The following NTNG1 variants were observed in gnomAD, a reference collection of about 807,000 sequenced individuals.
The protein encoded by NTNG1 is netrin G1, also known as netrin-G1.
A neutral mutation model predicts 54.0 loss-of-function variants in NTNG1; 16 were observed. The observed-to-expected ratio is 0.30, with a 90% CI of 0.20 to 0.45. NTNG1 has a LOEUF of 0.45. NTNG1 is among the 20% of genes least tolerant of loss of function. The pLI is 1.00. For synonymous variants in NTNG1, 255 were observed against 263.1 expected (o/e 0.97, Z 0.30); for missense variants, 530 against 678.7 (o/e 0.78, Z 2.43).
chr1:107,429,829 C>A (rs541654521), intron 5 of NTNG1, among the ~76,000 whole-genome samples: 2 of 152,246 alleles, frequency 1.3e-5, no homozygotes, highest in East Asian at 3.9e-4. Context: ...GGATTTACAA[C>A]TTCTTTCTCT....
chr1:107,248,118 T>C (rs1308068683), intron 2 of NTNG1, among the ~76,000 whole-genome samples: 1 of 152,236 alleles, frequency 6.6e-6, no homozygotes, highest in Non-Finnish European at 1.5e-5. Context: ...AATGCCACTG[T>C]GTATACTATT....
At chr1:107,192,544 C>T (rs1160856058) in intron 2 of NTNG1, among the ~76,000 whole-genome samples, 1 of 152,054 alleles carries the variant, frequency 6.6e-6, no homozygotes, top group Non-Finnish European at 1.5e-5. Flanking sequence ...TTAACCCCTA[C>T]TTTCCCCTTT....
intron 2 of NTNG1, among the ~76,000 whole-genome samples, chr1:107,255,646 T>G (rs914623152): frequency 2.6e-5 from 4 of 152,232 alleles, no homozygotes; most frequent in African/African-American, 7.2e-5. Flanking sequence ...GAAATTCTAG[T>G]AATTCAAGTT....
chr1:107,331,917 C>T (rs1424952464), intron 3 of NTNG1, among the ~76,000 whole-genome samples: 1 of 151,542 alleles, frequency 6.6e-6, no homozygotes, highest in Non-Finnish European at 1.5e-5. Flanking sequence ...TTAATTTACT[C>T]TCCTTTTAAA....
rs183195468 is a variant in NTNG1, at chr1:107,360,416, A to G, written c.888-34738A>G. 2.0e-3 allele frequency among the ~76,000 whole-genome samples: 297 copies of G among 152,262 alleles called. 3 individuals carry two copies. The highest frequency in any genetic ancestry group is 5.2e-3 in the South Asian group (25 of 4,822). The stretch of plus-strand genomic sequence containing the variant: ...AAAAAGAGAAACAGTGAGTGTAAAG[A>G]CCCTGAAGAGAAATAGAAAGTACAG... On this transcript the variant is annotated intron_variant, in intron 3 of 7. Coordinates refer to ENST00000370068, the MANE Select transcript of NTNG1 (RefSeq NM_001113226.3).
At chr1:107,246,662 G>T (rs1046009298) in intron 2 of NTNG1, among the ~76,000 whole-genome samples, 1 of 151,808 alleles carries the variant, frequency 6.6e-6, no homozygotes, top group Admixed American at 6.6e-5. Flanking sequence ...TTTTATTGCG[G>T]TAGCTACTAA....
intron 3 of NTNG1, among the ~76,000 whole-genome samples, chr1:107,372,006 G>T (rs891245443): frequency 6.6e-5 from 10 of 151,898 alleles, no homozygotes; most frequent in African/African-American, 2.4e-4. Context: ...TCAGATTTGA[G>T]GTGCTCAACT....
chr1:107,149,300 T>A (rs1163809027), intron 2 of NTNG1, among the ~76,000 whole-genome samples: 1 of 152,144 alleles, frequency 6.6e-6, no homozygotes, highest in Non-Finnish European at 1.5e-5. Flanking sequence ...CTCATAATTA[T>A]GTTCATCAGG....
intron 2 of NTNG1, among the ~76,000 whole-genome samples, chr1:107,247,528 A>T (rs1662283334): frequency 6.6e-6 from 1 of 152,184 alleles, no homozygotes; most frequent in Non-Finnish European, 1.5e-5. Context: ...TTCTTGACAG[A>T]CCTATGCTCG....
intron 2 of NTNG1, among the ~76,000 whole-genome samples, chr1:107,154,678 T>C (rs1654840107): frequency 6.7e-6 from 1 of 149,866 alleles, no homozygotes; most frequent in Non-Finnish European, 1.5e-5. Flanking sequence ...GTGTCCTGGT[T>C]AATGGTAGAC....
At chr1:107,412,009 G>C (rs778062845) in intron 5 of NTNG1, among the ~76,000 whole-genome samples, 1 of 151,978 alleles carries the variant, frequency 6.6e-6, no homozygotes, top group Non-Finnish European at 1.5e-5. Context: ...CAATAAGTTT[G>C]CCAATCTTTA....
intron 1 of NTNG1, chr1:107,141,478 C>T (rs1653698881): frequency 6.6e-6 from 1 of 151,268 alleles, no homozygotes; most frequent in Admixed American, 6.6e-5. Flanking sequence ...CTGCGGCTCG[C>T]CTCTCCTACT....
chr1:107,231,670 G>A (rs572606341), intron 2 of NTNG1, among the ~76,000 whole-genome samples: 1 of 152,088 alleles, frequency 6.6e-6, no homozygotes, highest in African/African-American at 2.4e-5. Flanking sequence ...ATGAACTCCT[G>A]GATGATAACC....
chr1:107,241,802 T>A (rs1207686513), intron 2 of NTNG1, among the ~76,000 whole-genome samples: 1 of 152,086 alleles, frequency 6.6e-6, no homozygotes, highest in Non-Finnish European at 1.5e-5. Context: ...GCAAAAAAAG[T>A]CGGGAGGGAG....
intron 2 of NTNG1, among the ~76,000 whole-genome samples, chr1:107,182,082 A>G (rs1657114036): frequency 6.6e-6 from 1 of 152,046 alleles, no homozygotes; most frequent in South Asian, 2.1e-4. Flanking sequence ...AAACCCCCAA[A>G]CCAATGTGCA....
rs1004230764 is a variant in NTNG1 at position 107,213,556 on chromosome 1, T to C, written c.246+64717T>C. On this transcript the variant is annotated intron_variant, in intron 2 of 7. Coordinates refer to ENST00000370068, the MANE Select transcript of NTNG1 (RefSeq NM_001113226.3). ...CCATTCCCCCTCCCATTGCCCTCTC[T>C]GATTGGTTTATCCCAAGCAGTGATT... Among the ~76,000 whole-genome samples the C allele has an allele frequency of 2.0e-5, 3 of 152,138 alleles. No individual in the cohort carries two copies. The South Asian group carries it at 6.2e-4, about 32-fold the overall frequency.
At chr1:107,415,953 A>G (rs1674170259) in intron 5 of NTNG1, among the ~76,000 whole-genome samples, 1 of 152,204 alleles carries the variant, frequency 6.6e-6, no homozygotes, top group Non-Finnish European at 1.5e-5. Context: ...AATAAAAAGT[A>G]AAATTACTCA....
intron 2 of NTNG1, among the ~76,000 whole-genome samples, chr1:107,303,844 A>G (rs539910368): frequency 8.6e-5 from 13 of 151,990 alleles, no homozygotes; most frequent in Admixed American, 6.6e-4. Context: ...ACGCCACCAC[A>G]CCTGGCTAAT....
chr1:107,207,532 A>C (rs1365741003), intron 2 of NTNG1, among the ~76,000 whole-genome samples: 2 of 152,144 alleles, frequency 1.3e-5, no homozygotes, highest in Non-Finnish European at 2.9e-5. Context: ...TTCTCTTCTA[A>C]TCAACTTCTG....
Sources: allele counts gnomAD v4.1 joint callset (sites outside exome capture counted in the v4.1 genomes callset), GRCh38; gene constraint gnomAD v4.1.1; transcripts MANE v1.5; gene names NCBI Gene and HGNC (gene_info 2026-07-23, HGNC 2026-07-21).